The following SYNPR variants were observed in gnomAD, a reference collection of about 807,000 sequenced individuals.
SYNPR encodes synaptoporin.
Under a neutral mutation model 32.9 loss-of-function variants are expected in SYNPR, and 23 were observed. The observed-to-expected ratio is 0.70, with a 90% CI of 0.50 to 0.99. The LOEUF (loss-of-function observed/expected upper bound fraction) is 0.99, where lower values mean the gene tolerates loss of function less well. Ranked by LOEUF, SYNPR falls within the 50% of genes least tolerant of loss-of-function variation. SYNPR has a pLI of 0.00. For synonymous variants in SYNPR, 146 were observed against 135.9 expected (o/e 1.07, Z -0.52); for missense variants, 318 against 349.3 (o/e 0.91, Z 0.71).
chr3:63,532,046 C>A (rs901715554), intron 3 of SYNPR, among the ~76,000 whole-genome samples: 2 of 152,214 alleles, frequency 1.3e-5, no homozygotes, highest in Non-Finnish European at 2.9e-5. Flanking sequence ...TTCTCCCCAA[C>A]TTTTATGAGA....
At chr3:63,505,138 C>T (rs1341092635) in intron 3 of SYNPR, among the ~76,000 whole-genome samples, 5 of 152,224 alleles carry the variant, frequency 3.3e-5, no homozygotes, top group East Asian at 3.9e-4. Context: ...CTGTGCCAAG[C>T]GCTTTAGACA....
intron 4 of SYNPR, among the ~76,000 whole-genome samples, chr3:63,588,670 G>C (rs1166813793): frequency 2.6e-5 from 4 of 151,946 alleles, no homozygotes. Context: ...CAATTTTTTG[G>C]AAAGGATGCT....
chr3:63,605,185 A>G (rs920485143), intron 4 of SYNPR, among the ~76,000 whole-genome samples: 1 of 152,228 alleles, frequency 6.6e-6, no homozygotes, highest in African/African-American at 2.4e-5. Context: ...AAGGGGATAG[A>G]GAGAAAGGTG....
intron 2 of SYNPR, among the ~76,000 whole-genome samples, chr3:63,408,134 G>GAAGAAAGAAAAGAAAGAAAGA (rs2088386407): frequency 1.3e-5 from 1 of 76,246 alleles, no homozygotes; most frequent in Non-Finnish European, 2.6e-5. Flanking sequence ...AGAACCAATA[G>GAAGAAAGAAAAGAAAGAAAGA]AAGAAAGAAA....
At chr3:63,208,379 A>G in the SYNPR span, among the ~76,000 whole-genome samples, 1 of 152,182 alleles carries the variant, frequency 6.6e-6, no homozygotes, top group African/African-American at 2.4e-5. Context: ...GAACTCCCTG[A>G]TGCTGCTGTC....
chr3:63,238,020 T>A (rs577285376), intron 1 of SYNPR, among the ~76,000 whole-genome samples: 21 of 152,214 alleles, frequency 1.4e-4, no homozygotes, highest in African/African-American at 4.6e-4. Flanking sequence ...TCCTTCTTGG[T>A]CTAGGGGAAA....
At chr3:63,535,298 A>G (rs1702182267) in intron 3 of SYNPR, among the ~76,000 whole-genome samples, 1 of 152,182 alleles carries the variant, frequency 6.6e-6, no homozygotes, top group Non-Finnish European at 1.5e-5. Flanking sequence ...TACTAAAAAT[A>G]TGACTTCCAA....
chr3:63,297,533 C>T (rs995531093), intron 2 of SYNPR, among the ~76,000 whole-genome samples: 1 of 152,084 alleles, frequency 6.6e-6, no homozygotes, highest in South Asian at 2.1e-4. Flanking sequence ...ATTTGGGAAG[C>T]AGACTAAAAG....
chr3:63,516,993 A>C (rs1338450590), intron 3 of SYNPR, among the ~76,000 whole-genome samples: 1 of 152,180 alleles, frequency 6.6e-6, no homozygotes, highest in Non-Finnish European at 1.5e-5. Context: ...GTTTATAAAA[A>C]CGATACCTAC....
In SYNPR at chr3:63,392,800, T is replaced by A. The variant is rs112240782; in HGVS notation, c.85-88032T>A. On this transcript the variant is annotated intron_variant, in intron 2 of 5. Transcript: ENST00000478300. ...TATTATTATTATAGTTAACTTTTGT[T>A]TATACAAGTGATTTTTGGATAAATT... Among the ~76,000 whole-genome samples, 224 of 152,252 alleles carry A rather than the reference T, an allele frequency of 1.5e-3. 3 individuals are homozygous for A. Among genetic ancestry groups the A allele is most frequent in the Middle Eastern group, 0.01 (3 of 294 alleles).
intron 4 of SYNPR, among the ~76,000 whole-genome samples, chr3:63,599,923 T>C (rs181621028): frequency 7.9e-5 from 12 of 152,144 alleles, no homozygotes; most frequent in African/African-American, 2.7e-4. Context: ...TATTAAGCAA[T>C]AACACAGGAG....
chr3:63,257,653 G>T (rs369358321), intron 2 of SYNPR, among the ~76,000 whole-genome samples: 1 of 152,244 alleles, frequency 6.6e-6, no homozygotes, highest in South Asian at 2.1e-4. Context: ...GGAAGAAACT[G>T]CATCAACTAA....
chr3:63,432,765 C>T (rs1313530331), intron 2 of SYNPR, among the ~76,000 whole-genome samples: 1 of 152,182 alleles, frequency 6.6e-6, no homozygotes, highest in Non-Finnish European at 1.5e-5. Flanking sequence ...GTGAGACTCC[C>T]CTTCCTGCTC....
intron 2 of SYNPR, among the ~76,000 whole-genome samples, chr3:63,388,608 G>C (rs554871489): frequency 2.3e-5 from 3 of 128,884 alleles, no homozygotes; most frequent in African/African-American, 8.4e-5. Flanking sequence ...TTTTAGTAGA[G>C]ACGGGGTTTC....
intron 2 of SYNPR, among the ~76,000 whole-genome samples, chr3:63,310,549 T>A (rs2086954024): frequency 6.6e-6 from 1 of 152,058 alleles, no homozygotes; most frequent in African/African-American, 2.4e-5. Context: ...TATAGATTCT[T>A]GCTGATGTTG....
intron 2 of SYNPR, among the ~76,000 whole-genome samples, chr3:63,346,762 C>A (rs1324815503): frequency 1.3e-5 from 2 of 152,170 alleles, no homozygotes; most frequent in African/African-American, 4.8e-5. Flanking sequence ...TGAGCCACCA[C>A]ACCCAGCTAA....
intron 2 of SYNPR, among the ~76,000 whole-genome samples, chr3:63,318,191 T>C (rs1456478403): frequency 6.6e-6 from 1 of 152,074 alleles, no homozygotes; most frequent in Non-Finnish European, 1.5e-5. Flanking sequence ...TTAAGATTCT[T>C]TCCTTCATCT....
the SYNPR span, among the ~76,000 whole-genome samples, chr3:63,204,610 A>G: frequency 6.6e-6 from 1 of 152,188 alleles, no homozygotes; most frequent in Non-Finnish European, 1.5e-5. Context: ...AGAAGTCTTC[A>G]TCGACTTCTT....
At chr3:63,272,683 C>T in intron 3 of SYNPR, among the ~76,000 whole-genome samples, 1 of 152,032 alleles carries the variant, frequency 6.6e-6, no homozygotes, top group East Asian at 1.9e-4. Flanking sequence ...AATGAAATGC[C>T]ATACCTTCAT....
Sources: allele counts gnomAD v4.1 joint callset (sites outside exome capture counted in the v4.1 genomes callset), GRCh38; gene constraint gnomAD v4.1.1; transcripts MANE v1.5; gene names NCBI Gene and HGNC (gene_info 2026-07-23, HGNC 2026-07-21).